Variants in SRL observed in about 807,000 individuals in gnomAD.
SRL encodes the protein sarcalumenin.
Under a neutral mutation model 39.5 loss-of-function variants are expected in SRL, and 23 were observed. That is an observed-to-expected ratio of 0.58 (90% CI 0.42 to 0.82). The LOEUF is 0.82. SRL is among the 40% of genes least tolerant of loss of function. SRL has a pLI of 0.00. For missense variants in SRL, 592 were observed against 607.8 expected (o/e 0.97, Z 0.27); for synonymous variants, 272 against 237.4 (o/e 1.15, Z -1.34).
chr16:4,202,325 G>A (rs543222434), intron 3 of SRL, among the ~76,000 whole-genome samples: 1 of 152,326 alleles, frequency 6.6e-6, no homozygotes, highest in South Asian at 2.1e-4. Context: ...TGGGAGCGGT[G>A]GCTCACGCTT....
intron 1 of SRL, among the ~76,000 whole-genome samples, chr16:4,230,802 G>C (rs1024245539): frequency 1.3e-5 from 2 of 152,140 alleles, no homozygotes; most frequent in Admixed American, 1.3e-4. Flanking sequence ...AGGTGATGAG[G>C]AGAGGACACA....
Position 4,190,488 on chromosome 16 carries a change from A to G in SRL, c.*1665T>C, listed in dbSNP as rs1597261148. ...CCTGGGCATGCACAGACTGTGCACCATGCACATTTCACCATCCAAAGGCTG... is the reference window on the plus strand; with the variant it reads ...CCTGGGCATGCACAGACTGTGCACCGTGCACATTTCACCATCCAAAGGCTG... On this transcript the variant is annotated 3_prime_UTR_variant, in exon 6 of 6. Coordinates refer to ENST00000399609, the MANE Select transcript of SRL (RefSeq NM_001098814.2). 3 of 398,676 alleles carry G rather than the reference A, an allele frequency of 7.5e-6. No individual in the cohort carries two copies. The highest frequency in any genetic ancestry group is 4.4e-5 in the Admixed American group (1 of 22,702). The allele number at this position is 398,676 out of a possible 1,614,324, so 24.7% of individuals were successfully genotyped here.
chr16:4,208,052 C>T, intron 1 of SRL: 1 of 456,172 alleles, frequency 2.2e-6, no homozygotes, highest in South Asian at 1.6e-5. Flanking sequence ...AGAAATGATT[C>T]TCCAACAAAT....
intron 4 of SRL, among the ~76,000 whole-genome samples, chr16:4,197,114 G>A (rs2052159875): frequency 8.1e-6 from 1 of 123,644 alleles, no homozygotes; most frequent in Non-Finnish European, 1.6e-5. Context: ...TGTCGCCCAG[G>A]CTGGAGTGCA....
intron 1 of SRL, among the ~76,000 whole-genome samples, chr16:4,219,585 G>A (rs1328475078): frequency 6.6e-6 from 1 of 152,168 alleles, no homozygotes; most frequent in Non-Finnish European, 1.5e-5. Flanking sequence ...AGCCTGTTGA[G>A]TAGCTGGGAC....
chr16:4,202,517 T>G (rs529979763), intron 3 of SRL, among the ~76,000 whole-genome samples: 3 of 150,800 alleles, frequency 2.0e-5, no homozygotes, highest in African/African-American at 7.4e-5. Flanking sequence ...GGCGTGAACC[T>G]GGGAGGCAGA....
intron 1 of SRL, among the ~76,000 whole-genome samples, chr16:4,216,298 C>T (rs2141049459): frequency 6.6e-6 from 1 of 152,046 alleles, no homozygotes; most frequent in Admixed American, 6.6e-5. Flanking sequence ...TTTTTTGAGA[C>T]AGCATCTCTG....
intron 1 of SRL, among the ~76,000 whole-genome samples, chr16:4,212,977 G>A (rs1438421882): frequency 6.6e-6 from 1 of 152,210 alleles, no homozygotes; most frequent in Non-Finnish European, 1.5e-5. Context: ...GAGTTGCCAA[G>A]GGCCCTCGTG....
At chr16:4,234,067 T>C (rs1303954358) in intron 1 of SRL, among the ~76,000 whole-genome samples, 1 of 152,112 alleles carries the variant, frequency 6.6e-6, no homozygotes, top group Non-Finnish European at 1.5e-5. Context: ...CAATCTTGGC[T>C]CACTGCAACT....
chr16:4,236,865 G>A (rs1027947154), intron 1 of SRL, among the ~76,000 whole-genome samples: 6 of 151,560 alleles, frequency 4.0e-5, no homozygotes, highest in African/African-American at 7.3e-5. Flanking sequence ...GGCTGGTCTC[G>A]AACTCCTGAC....
intron 1 of SRL, among the ~76,000 whole-genome samples, chr16:4,230,713 G>A (rs770705504): frequency 6.6e-6 from 1 of 152,002 alleles, no homozygotes; most frequent in Non-Finnish European, 1.5e-5. Flanking sequence ...ATGGAAACAG[G>A]GTCTTTGCAA....
intron 1 of SRL, among the ~76,000 whole-genome samples, chr16:4,240,991 C>T (rs2052766999): frequency 6.6e-6 from 1 of 152,146 alleles, no homozygotes; most frequent in Non-Finnish European, 1.5e-5. Context: ...CTTTTGTTCC[C>T]ACCCACTGCC....
intron 1 of SRL, among the ~76,000 whole-genome samples, chr16:4,206,375 C>T (rs1443914520): frequency 6.6e-6 from 1 of 152,192 alleles, no homozygotes; most frequent in African/African-American, 2.4e-5. Context: ...CCCATCCATT[C>T]CCTGCACGTC....
intron 2 of SRL, among the ~76,000 whole-genome samples, chr16:4,204,214 G>T (rs62039294): frequency 6.6e-6 from 1 of 152,172 alleles, no homozygotes; most frequent in Non-Finnish European, 1.5e-5. Context: ...AAATCACAGC[G>T]AGGGAGATGG....
chr16:4,212,522 G>A (rs1458714516), intron 1 of SRL, among the ~76,000 whole-genome samples: 2 of 152,200 alleles, frequency 1.3e-5, no homozygotes, highest in Non-Finnish European at 2.9e-5. Flanking sequence ...CCCTGGAGCA[G>A]GGAGGCCGCA....
At chr16:4,238,084 G>C (rs953419740) in intron 1 of SRL, among the ~76,000 whole-genome samples, 2 of 152,244 alleles carry the variant, frequency 1.3e-5, no homozygotes, top group Non-Finnish European at 2.9e-5. Flanking sequence ...ATGGGTTCAC[G>C]AATGATGGAA....
At chr16:4,207,722 G>T (rs1428757321) in intron 1 of SRL, 1 of 412,590 alleles carries the variant, frequency 2.4e-6, no homozygotes, top group Non-Finnish European at 4.8e-6. Context: ...CTCCAGAACT[G>T]GGCTCCGGCC....
intron 1 of SRL, among the ~76,000 whole-genome samples, chr16:4,228,804 G>A (rs2052627115): frequency 6.6e-6 from 1 of 152,034 alleles, no homozygotes; most frequent in African/African-American, 2.4e-5. Context: ...CTGGGGAAAG[G>A]TGGGGACCAG....
intron 1 of SRL, among the ~76,000 whole-genome samples, chr16:4,235,212 A>G (rs1358806630): frequency 6.6e-6 from 1 of 152,216 alleles, no homozygotes; most frequent in Non-Finnish European, 1.5e-5. Context: ...GAGGTCCCTG[A>G]GAAGACAGGA....
Sources: allele counts gnomAD v4.1 joint callset (sites outside exome capture counted in the v4.1 genomes callset), GRCh38; gene constraint gnomAD v4.1.1; transcripts MANE v1.5; gene names NCBI Gene and HGNC (gene_info 2026-07-23, HGNC 2026-07-21).